PLXNA1: variants seen among roughly 807,000 people sequenced by gnomAD.
PLXNA1 encodes the protein plexin-A1.
In PLXNA1, 77 loss-of-function variants were observed where a neutral mutation model predicts 191.7. The ratio of observed to expected loss-of-function variants is 0.40; its 90% CI spans 0.33 to 0.49. The LOEUF (loss-of-function observed/expected upper bound fraction) is 0.49, where lower values mean the gene tolerates loss of function less well. Among genes scored for constraint, PLXNA1 ranks in the 20% least tolerant of loss-of-function variants. The probability of loss-of-function intolerance (pLI) is 0.63; values close to 1 mark genes in which losing one functional copy is unlikely to be tolerated. For synonymous variants in PLXNA1, 1,137 were observed against 1,156.4 expected (o/e 0.98, Z 0.34); for missense variants, 2,110 against 2,660.2 (o/e 0.79, Z 4.55).
chr3:126,991,387 CT>C lies in PLXNA1; in HGVS notation c.1199del (p.Leu400ArgfsTer35). On this transcript the variant is annotated frameshift_variant, in exon 3 of 32. Coordinates refer to ENST00000393409, the MANE Select transcript of PLXNA1 (RefSeq NM_032242.4). LOFTEE classifies it high-confidence loss of function. ...NKELGCINSP[L>X]QIDDDFCGQD... ...CTCACCCTGCCCCTTCCCACAGCCC[CT>C]GCAGATCGATGACGACTTCTGCGGG... The C allele has an allele frequency of 6.2e-7, 1 of 1,612,652 alleles. No homozygotes were observed. The highest frequency in any genetic ancestry group is 8.5e-7 in the Non-Finnish European group (1 of 1,179,838).
At chr3:126,997,950 G>C (rs1158648450) in intron 3 of PLXNA1, among the ~76,000 whole-genome samples, 1 of 152,222 alleles carries the variant, frequency 6.6e-6, no homozygotes, top group East Asian at 1.9e-4. Context: ...AGCCTTGTGA[G>C]TATCCACACC....
chr3:126,989,103 G>A lies in PLXNA1; in HGVS notation c.510G>A (p.Ala170=), dbSNP rs1029396948. ...GCGTGCAGGAGGCAGGCAGCATGGC[G>A]GGCGTGCTCATTGCCGGGCCACCGG... ...LSSVQEAGSM[A]GVLIAGPPGQ... is the part of the protein sequence containing the mutation. The change falls in exon 2 of 32, where the codon GCG becomes GCA. Residue 170 remains alanine, a synonymous_variant. Coordinates refer to ENST00000393409, the MANE Select transcript of PLXNA1 (RefSeq NM_032242.4). The A allele has an allele frequency of 4.3e-6, 7 of 1,613,012 alleles. No individual in the cohort carries two copies. Among genetic ancestry groups the A allele is most frequent in the Admixed American group, 3.3e-5 (2 of 59,986 alleles).
chr3:126,994,271 C>T (rs2107622486), intron 3 of PLXNA1, among the ~76,000 whole-genome samples: 1 of 152,282 alleles, frequency 6.6e-6, no homozygotes, highest in South Asian at 2.1e-4. Context: ...TCTGAGGAGC[C>T]CCTTGCCACC....
Position 126,988,719 on chromosome 3 carries a change from C to T in PLXNA1, c.126C>T (p.Arg42=). 6.3e-7 allele frequency: 1 copy of T among 1,578,206 alleles called. No homozygotes were observed. Among genetic ancestry groups the T allele is most frequent in the East Asian group, 2.2e-5 (1 of 44,514 alleles). The stretch of plus-strand genomic sequence containing the variant: ...GCGGGGGTTCACAGCCCCCCTTCCG[C>T]ACCTTCTCGGCCAGCGACTGGGGCC... The part of the protein sequence containing the change: ...RAGGGSQPPF[R]TFSASDWGLT... Residue 42 remains arginine, a synonymous_variant, in exon 2 of 32, where the codon CGC becomes CGT. Transcript: ENST00000393409.
rs183521423 is a variant in PLXNA1 at position 127,016,801 on chromosome 3, G to A, written c.3182+117G>A. 1.5e-4 allele frequency: 215 copies of A among 1,397,076 alleles called. 1 individual carries two copies. In the African/African-American group the frequency reaches 2.4e-3, roughly 16 times the overall value. The allele number at this position is 1,397,076 out of a possible 1,614,324, so 86.5% of individuals were successfully genotyped here. Reference sequence around the variant, plus strand: ...CCTGCATGCCGGGTACTATCCTGCCGGGAAGCACCCCTTGCCAAGAGCTTT... The same window carrying A: ...CCTGCATGCCGGGTACTATCCTGCCAGGAAGCACCCCTTGCCAAGAGCTTT... On this transcript the variant is annotated intron_variant, in intron 16 of 31. Transcript: ENST00000393409.
chr3:127,013,472 G>A (rs1211405986), intron 10 of PLXNA1, among the ~76,000 whole-genome samples: 1 of 152,234 alleles, frequency 6.6e-6, no homozygotes, highest in Non-Finnish European at 1.5e-5. Flanking sequence ...GGGCACAGCT[G>A]GAGTCCTAGC....
At position 127,022,014 on chromosome 3, in the gene PLXNA1, C is replaced by T. The variant is rs7645005; in HGVS notation, c.4039-71C>T. 4.9e-3 allele frequency: 7,637 copies of T among 1,560,124 alleles called. 19 individuals carry two copies. The highest frequency in any genetic ancestry group is 5.7e-3 in the South Asian group (476 of 83,230). ...TGCCTCACCAGCCAGGCCTGGACAG[C>T]CCCTCACTGGTCAGCTTGGGGGCTG... On this transcript the variant is annotated intron_variant, in intron 21 of 31. Transcript: ENST00000393409.
chr3:127,011,969 G>C lies in PLXNA1; in HGVS notation c.2124G>C (p.Gln708His). Residue 708 changes from glutamine (Q) to histidine (H), a missense_variant, in exon 10 of 32, where the codon CAG (glutamine) becomes CAC (histidine). Coordinates refer to ENST00000393409, the MANE Select transcript of PLXNA1 (RefSeq NM_032242.4). ...GRVNVSEDCP[Q>H]ILPSTQIYVP... ...CTTCTTATCCCCAGGACTGCCCACA[G>C]ATCCTGCCCTCCACGCAGATCTACG... 1 of 1,613,268 alleles carries C rather than the reference G, an allele frequency of 6.2e-7. No individual in the cohort carries two copies. The highest frequency in any genetic ancestry group is 8.5e-7 in the Non-Finnish European group (1 of 1,179,594).
rs2107635263 is a variant in PLXNA1, at chr3:127,022,110, T to C, written c.4064T>C (p.Leu1355Pro). Residue 1355 changes from leucine to proline, a missense_variant, in exon 22 of 32, where the codon CTG (leucine) becomes CCG (proline). Around this residue, in one of 4 missense-constraint regions of PLXNA1, gnomAD observed 559 missense variants for 911.5 expected, o/e 0.61. Coordinates refer to ENST00000393409, the MANE Select transcript of PLXNA1 (RefSeq NM_032242.4). ...MEVQANVEKSLTLFGQLLTKK... is the reference protein window; with the variant it reads ...MEVQANVEKSPTLFGQLLTKK... ...GTGCAGGCCAATGTGGAGAAGTCGCTGACACTGTTCGGGCAGCTGCTGACC... is the reference window on the plus strand; with the variant it reads ...GTGCAGGCCAATGTGGAGAAGTCGCCGACACTGTTCGGGCAGCTGCTGACC... 1 of 1,613,018 alleles carries C rather than the reference T, an allele frequency of 6.2e-7. No homozygotes were observed. The highest frequency in any genetic ancestry group is 8.5e-7 in the Non-Finnish European group (1 of 1,179,926).
intron 8 of PLXNA1, among the ~76,000 whole-genome samples, chr3:127,007,382 A>T (rs545289502): frequency 4.6e-5 from 7 of 152,362 alleles, no homozygotes; most frequent in Admixed American, 2.0e-4. Flanking sequence ...CTGTGGCAGC[A>T]CGTGCTGCTT....
At chr3:127,029,248 C>G (rs2079193559) in intron 26 of PLXNA1, 152 bp downstream of exon 26, 1 of 806,338 alleles carries the variant, frequency 1.2e-6, no homozygotes, top group Non-Finnish European at 2.0e-6. Context: ...TGGACCGTCC[C>G]AGGACTCGAG....
intron 21 of PLXNA1, 142 bp from the exon 22 acceptor site, chr3:127,021,943 G>C (rs1205330489): frequency 2.4e-6 from 3 of 1,251,810 alleles, no homozygotes; most frequent in Non-Finnish European, 3.3e-6. Flanking sequence ...TGAGGAGTCA[G>C]GGCAACTTGT....
rs925640244 is a variant in PLXNA1, at chr3:127,024,410, A to G, written c.4362+1592A>G. Among the ~76,000 whole-genome samples the G allele has an allele frequency of 2.8e-4, 43 of 152,266 alleles. 1 individual carries two copies. Among genetic ancestry groups the G allele is most frequent in the Middle Eastern group, 3.4e-3 (1 of 294 alleles). On this transcript the variant is annotated intron_variant, in intron 23 of 31. Coordinates refer to ENST00000393409, the MANE Select transcript of PLXNA1 (RefSeq NM_032242.4). ...AGACATTCCATGGAGAGCCGGGGAC[A>G]TTTGGGACAGGCGCTGAGGGATGTG...
At position 127,015,227 on chromosome 3, in the gene PLXNA1, C is replaced by T; in HGVS notation, c.2921C>T (p.Ser974Leu). The T allele has an allele frequency of 6.2e-7, 1 of 1,613,576 alleles. No individual in the cohort carries two copies. Residue 974 changes from serine (S) to leucine (L), a missense_variant, in exon 15 of 32, where the codon TCA becomes TTA. Transcript: ENST00000393409. The part of the protein sequence containing the change: ...YRVSPSRGPL[S>L]GGTWIGIEGS... Reference sequence around the variant, plus strand: ...GTGAGCCCCTCCCGTGGGCCTCTGTCAGGGGGCACCTGGATTGGCATCGAG... The same window carrying T: ...GTGAGCCCCTCCCGTGGGCCTCTGTTAGGGGGCACCTGGATTGGCATCGAG...
At position 126,989,676 on chromosome 3, in the gene PLXNA1, G is replaced by C; in HGVS notation, c.1083G>C (p.Thr361=). The part of the protein sequence containing the change: ...PPKESALCLF[T]LRAIKEKIKE... ...AGGAGTCAGCACTGTGCCTGTTCAC[G>C]CTCAGGGCCATCAAGGAGAAGATTA... The change falls in exon 2 of 32, where the codon ACG becomes ACC. Residue 361 remains threonine, a synonymous_variant. Transcript: ENST00000393409. 1.2e-6 allele frequency: 2 copies of C among 1,613,110 alleles called. No individual in the cohort carries two copies. Among genetic ancestry groups the C allele is most frequent in the Non-Finnish European group, 1.7e-6 (2 of 1,180,026 alleles).
chr3:127,003,043 G>A (rs1159239934), intron 3 of PLXNA1, among the ~76,000 whole-genome samples: 1 of 152,178 alleles, frequency 6.6e-6, no homozygotes, highest in Admixed American at 6.5e-5. Context: ...GTGCTGGGCT[G>A]TGGTTGTCTC....
intron 3 of PLXNA1, among the ~76,000 whole-genome samples, chr3:127,002,184 G>A (rs757967508): frequency 6.6e-6 from 1 of 152,242 alleles, no homozygotes; most frequent in Non-Finnish European, 1.5e-5. Flanking sequence ...CCTGCAGCCA[G>A]TGCAGCTGGG....
Position 127,035,019 on chromosome 3 carries a change from A to C in PLXNA1, c.*1002A>C. The C allele has an allele frequency of 6.6e-6, 1 of 152,494 alleles. No homozygotes were observed. The highest frequency in any genetic ancestry group is 1.9e-4 in the East Asian group (1 of 5,182). 9.4% of individuals were successfully genotyped at this position (152,494 alleles called of 1,614,324 possible). A position where few individuals can be genotyped will look rare whatever the true frequency, so the allele number is the denominator to read the frequency against. ...CCTGGCCCCTCCAGAGCAGTGGGAC[A>C]TCTGGGGACTGTTTTTGTGTTTAGG... On this transcript the variant is annotated 3_prime_UTR_variant, in exon 32 of 32. Coordinates refer to ENST00000393409, the MANE Select transcript of PLXNA1 (RefSeq NM_032242.4).
chr3:127,005,213 C>T lies in PLXNA1; in HGVS notation c.1867C>T (p.Arg623Trp), dbSNP rs140490374. The change falls in exon 7 of 32, where the codon CGG (arginine) becomes TGG (tryptophan). Residue 623 changes from arginine (R) to tryptophan (W), a missense_variant. Coordinates refer to ENST00000393409, the MANE Select transcript of PLXNA1 (RefSeq NM_032242.4). ...GATCCACTGCCGCTCACCCTCCGCCCGGGAGGTGGCGCCCATCACGCGGGG... is the reference window on the plus strand; with the variant it reads ...GATCCACTGCCGCTCACCCTCCGCCTGGGAGGTGGCGCCCATCACGCGGGG... ...GRIHCRSPSA[R>W]EVAPITRGQG... 1.4e-5 allele frequency: 22 copies of T among 1,610,594 alleles called. No homozygotes were observed. Among genetic ancestry groups the T allele is most frequent in the African/African-American group, 6.7e-5 (5 of 74,898 alleles).
Sources: allele counts gnomAD v4.1 joint callset (sites outside exome capture counted in the v4.1 genomes callset), GRCh38; gene constraint gnomAD v4.1.1; regional missense constraint gnomAD v4.1.1; transcripts MANE v1.5; gene names NCBI Gene and HGNC (gene_info 2026-07-23, HGNC 2026-07-21).